PPP1R9A: variants seen among roughly 807,000 people sequenced by gnomAD.
The protein encoded by PPP1R9A is neurabin-1.
A neutral mutation model predicts 141.9 loss-of-function variants in PPP1R9A; 59 were observed. The ratio of observed to expected loss-of-function variants is 0.42; its 90% CI spans 0.34 to 0.52. The LOEUF (loss-of-function observed/expected upper bound fraction) is 0.52, where lower values mean the gene tolerates loss of function less well. Ranked by LOEUF, PPP1R9A falls within the 20% of genes least tolerant of loss-of-function variation. The pLI is 0.10. For missense variants in PPP1R9A, 1,444 were observed against 1,611.9 expected (o/e 0.90, Z 1.78); for synonymous variants, 500 against 569.7 (o/e 0.88, Z 1.74).
At chr7:95,234,296 A>G (rs529443523) in intron 8 of PPP1R9A, among the ~76,000 whole-genome samples, 197 of 152,320 alleles carry the variant, frequency 1.3e-3, no homozygotes, top group African/African-American at 4.5e-3. Flanking sequence ...TCATCCAAAA[A>G]GTTCCTAGAA....
chr7:95,238,431 G>A (rs532508244), intron 8 of PPP1R9A, among the ~76,000 whole-genome samples: 1 of 152,210 alleles, frequency 6.6e-6, no homozygotes, highest in South Asian at 2.1e-4. Context: ...GCTTACTCAG[G>A]TTATGTGGAG....
chr7:95,033,464 C>T (rs1213119909), intron 2 of PPP1R9A, among the ~76,000 whole-genome samples: 1 of 152,038 alleles, frequency 6.6e-6, no homozygotes, highest in Non-Finnish European at 1.5e-5. Context: ...TCTCATTCTG[C>T]ACCATGTCTT....
intron 2 of PPP1R9A, among the ~76,000 whole-genome samples, chr7:94,983,443 T>C (rs1800381405): frequency 6.6e-6 from 1 of 152,198 alleles, no homozygotes; most frequent in East Asian, 1.9e-4. Context: ...TTCATGATAC[T>C]GATTCTTCCT....
intron 2 of PPP1R9A, among the ~76,000 whole-genome samples, chr7:94,923,132 C>T (rs1005242881): frequency 1.3e-5 from 2 of 152,026 alleles, no homozygotes; most frequent in African/African-American, 4.8e-5. Flanking sequence ...TGTGGCTAAC[C>T]TTGTAAGTAT....
At position 94,948,088 on chromosome 7, in the gene PPP1R9A, G is replaced by A. The variant is rs528498137; in HGVS notation, c.1395+36580G>A. On this transcript the variant is annotated intron_variant, in intron 2 of 19. Coordinates refer to ENST00000433360, the MANE Select transcript of PPP1R9A (RefSeq NM_001166160.2). ...TGTTCTCCTTTTCCCATGCCACCTT[G>A]TAATCCCATGGTGGGTTCTCCTTCC... 2.2e-4 allele frequency among the ~76,000 whole-genome samples: 33 copies of A among 152,202 alleles called. 1 individual carries two copies. The South Asian group carries it at 6.6e-3, about 31-fold the overall frequency.
rs2153009005 is a variant in PPP1R9A at position 95,252,124 on chromosome 7, A to C, written c.2659A>C (p.Ser887Arg). The change falls in exon 12 of 20, where the codon AGT (serine) becomes CGT (arginine). Residue 887 changes from serine to arginine, a missense_variant. Transcript: ENST00000433360. ...GKQTSCQDGL[S>R]QDLNEAVPET... is the part of the protein sequence containing the mutation. ...GCAGACATCTTGCCAAGATGGCCTA[A>C]GTCAAGGTTTGTTTAACCCAACCAC... is the stretch of plus-strand genomic sequence containing the variant. The C allele has an allele frequency of 6.3e-7, 1 of 1,586,808 alleles. No homozygotes were observed. The highest frequency in any genetic ancestry group is 2.2e-5 in the East Asian group (1 of 44,460).
At chr7:94,967,209 TTTTC>T (rs1030200176) in intron 2 of PPP1R9A, among the ~76,000 whole-genome samples, 5 of 152,192 alleles carry the variant, frequency 3.3e-5, no homozygotes, top group Non-Finnish European at 5.9e-5. Flanking sequence ...TTATCCCTTT[TTTTC>T]TTTATTAGTC....
chr7:94,934,896 G>A (rs1268288306), intron 2 of PPP1R9A, among the ~76,000 whole-genome samples: 4 of 151,932 alleles, frequency 2.6e-5, no homozygotes, highest in Non-Finnish European at 5.9e-5. Context: ...TGCCCAGGCT[G>A]GAGTACAGTG....
chr7:95,281,402 G>A (rs1394512364), intron 16 of PPP1R9A, among the ~76,000 whole-genome samples: 1 of 152,252 alleles, frequency 6.6e-6, no homozygotes, highest in East Asian at 1.9e-4. Context: ...TGCAAAGCTA[G>A]GGAAAGGAAG....
At position 95,140,778 on chromosome 7, in the gene PPP1R9A, T is replaced by C. The variant is rs1028721872; in HGVS notation, c.1649+19946T>C. On this transcript the variant is annotated intron_variant, in intron 4 of 19. Transcript: ENST00000433360. ...CCCAGGCTGGAGTGCAGTGGCACAGTCTTGGCTCACTGAAATCCTCTGCCT... is the reference window on the plus strand; with the variant it reads ...CCCAGGCTGGAGTGCAGTGGCACAGCCTTGGCTCACTGAAATCCTCTGCCT... Among the ~76,000 whole-genome samples the C allele has an allele frequency of 2.0e-5, 3 of 152,212 alleles. No homozygotes were observed. In the East Asian group the frequency reaches 5.8e-4, roughly 29 times the overall value.
chr7:95,181,776 CCGTCACAT>C (rs1833886541), intron 5 of PPP1R9A, among the ~76,000 whole-genome samples: 1 of 133,492 alleles, frequency 7.5e-6, no homozygotes, highest in Non-Finnish European at 1.6e-5. Context: ...TATATATATT[CCGTCACAT>C]ATATATAGAA....
chr7:95,030,625 T>TA (rs1807534142), intron 2 of PPP1R9A, among the ~76,000 whole-genome samples: 1 of 152,098 alleles, frequency 6.6e-6, no homozygotes, highest in Non-Finnish European at 1.5e-5. Flanking sequence ...CTGAAGTTCT[T>TA]ACCATTATAA....
At chr7:95,040,279 A>C (rs995894537) in intron 2 of PPP1R9A, among the ~76,000 whole-genome samples, 1 of 151,986 alleles carries the variant, frequency 6.6e-6, no homozygotes, top group Non-Finnish European at 1.5e-5. Context: ...TATAAGTAAA[A>C]ATATAACACA....
chr7:95,288,605 C>T lies in PPP1R9A; in HGVS notation c.3799C>T (p.Gln1267Ter). The change falls in exon 19 of 20, where the codon CAG becomes TAG. Residue 1267 changes from glutamine (Q) to a stop codon, truncating the protein, a stop_gained. Coordinates refer to ENST00000433360, the MANE Select transcript of PPP1R9A (RefSeq NM_001166160.2). LOFTEE classifies it high-confidence loss of function. ...TCGGGCCGTTCAGGAATGGAGTGTG[C>T]AGCAGGTTTCTCACTGGTTAATGAG... The part of the protein sequence containing the change: ...QNRAVQEWSV[Q>*]QVSHWLMSLN... 1 of 1,614,072 alleles carries T rather than the reference C, an allele frequency of 6.2e-7. No individual in the cohort carries two copies. Among genetic ancestry groups the T allele is most frequent in the Non-Finnish European group, 8.5e-7 (1 of 1,180,004 alleles).
chr7:95,035,605 A>G (rs1270272816), intron 2 of PPP1R9A: 1 of 152,184 alleles, frequency 6.6e-6, no homozygotes, highest in Non-Finnish European at 1.5e-5. Context: ...AAGGATGTTT[A>G]GTTTTTAAAA....
At chr7:95,236,147 C>A (rs1324724338) in intron 8 of PPP1R9A, among the ~76,000 whole-genome samples, 5 of 152,048 alleles carry the variant, frequency 3.3e-5, no homozygotes, top group East Asian at 3.9e-4. Context: ...ATAACAACAA[C>A]AAAAAAATTT....
Position 95,240,472 on chromosome 7 carries a change from T to G in PPP1R9A, c.2113-7001T>G, listed in dbSNP as rs141899395. On this transcript the variant is annotated intron_variant, in intron 8 of 19. Coordinates refer to ENST00000433360, the MANE Select transcript of PPP1R9A (RefSeq NM_001166160.2). Reference sequence around the variant, plus strand: ...CTATTACGTTTTTTTATGGTTTTATTTTGTCTTTTTTTCGTGTCTGAGATT... The same window carrying G: ...CTATTACGTTTTTTTATGGTTTTATGTTGTCTTTTTTTCGTGTCTGAGATT... Among the ~76,000 whole-genome samples, 648 of 152,162 alleles carry G rather than the reference T, an allele frequency of 4.3e-3. 4 individuals are homozygous for G. Among genetic ancestry groups the G allele is most frequent in the African/African-American group, 0.014 (584 of 41,552 alleles).
intron 2 of PPP1R9A, among the ~76,000 whole-genome samples, chr7:95,077,249 G>A (rs538335778): frequency 2.6e-5 from 4 of 151,578 alleles, no homozygotes; most frequent in South Asian, 4.2e-4. Flanking sequence ...TCTGGTTTTC[G>A]CTTTGTGGTC....
intron 7 of PPP1R9A, among the ~76,000 whole-genome samples, chr7:95,210,483 TG>T (rs1389386352): frequency 1.3e-5 from 2 of 151,962 alleles, no homozygotes; most frequent in Non-Finnish European, 1.5e-5. Flanking sequence ...TTTTTTTTTT[TG>T]AGACAGAGTC....
Sources: gnomAD v4.1 joint callset for allele counts (sites outside exome capture counted in the v4.1 genomes callset) on GRCh38, gnomAD v4.1.1 for gene constraint, MANE v1.5 for transcripts, NCBI Gene and HGNC (gene_info 2026-07-23, HGNC 2026-07-21) for gene names.